Variants in RBFOX3 observed in about 807,000 individuals in gnomAD.
The protein encoded by RBFOX3 is RNA binding protein fox-1 homolog 3.
A neutral mutation model predicts 48.7 loss-of-function variants in RBFOX3; 17 were observed. That is an observed-to-expected ratio of 0.35 (90% confidence interval 0.24 to 0.52). The LOEUF (loss-of-function observed/expected upper bound fraction) is 0.52, where lower values mean the gene tolerates loss of function less well. Ranked by LOEUF, RBFOX3 falls within the 20% of genes least tolerant of loss-of-function variation. The probability of loss-of-function intolerance (pLI) is 0.94; values close to 1 mark genes in which losing one functional copy is unlikely to be tolerated. For synonymous variants in RBFOX3, 212 were observed against 209.5 expected (o/e 1.01, Z -0.10); for missense variants, 382 against 497.5 (o/e 0.77, Z 2.21).
chr17:79,610,191 C>A (rs1457950699), intron 1 of RBFOX3, among the ~76,000 whole-genome samples: 2 of 152,152 alleles, frequency 1.3e-5, no homozygotes, highest in South Asian at 2.1e-4. Context: ...GCTGTGGCAG[C>A]CCCTTCCTCC....
At chr17:79,112,513 G>A (rs1219263684) in intron 5 of RBFOX3, among the ~76,000 whole-genome samples, 1 of 152,144 alleles carries the variant, frequency 6.6e-6, no homozygotes, top group African/African-American at 2.4e-5. Flanking sequence ...TGAGGATCCT[G>A]GGGTGGAGGA....
intron 2 of RBFOX3, among the ~76,000 whole-genome samples, chr17:79,324,546 G>A (rs1364401568): frequency 6.6e-6 from 1 of 152,216 alleles, no homozygotes; most frequent in Non-Finnish European, 1.5e-5. Context: ...TAGCCCCTCT[G>A]GTGGGCAGAC....
At chr17:79,153,863 A>G (rs2045151640) in intron 4 of RBFOX3, among the ~76,000 whole-genome samples, 1 of 151,960 alleles carries the variant, frequency 6.6e-6, no homozygotes, top group African/African-American at 2.4e-5. Flanking sequence ...CACAGGCCTG[A>G]GCCCCGGCTG....
At chr17:79,183,899 C>G (rs2052796874) in intron 4 of RBFOX3, among the ~76,000 whole-genome samples, 1 of 149,764 alleles carries the variant, frequency 6.7e-6, no homozygotes, top group African/African-American at 2.6e-5. Context: ...CGGGCCCCTG[C>G]GCGCCCCTCC....
rs1293720096 is a variant in RBFOX3 at position 79,299,889 on chromosome 17, A to G, written c.-74+7835T>C. Among the ~76,000 whole-genome samples, 1 of 151,924 alleles carries G rather than the reference A, an allele frequency of 6.6e-6. No individual in the cohort carries two copies. Among genetic ancestry groups the G allele is most frequent in the Non-Finnish European group, 1.5e-5 (1 of 67,980 alleles). ...TCTCAGTACCCCACACAGGCCTCCA[A>G]AGGAATCTGCCGACACTCTTTTTTT... On this transcript the variant is annotated intron_variant, in intron 3 of 14. Coordinates refer to ENST00000693108, the MANE Select transcript of RBFOX3 (RefSeq NM_001350451.2). This position sits in a 1 kb window ranked among gnomAD's most constrained non-coding sequence, Gnocchi z 4.5.
intron 4 of RBFOX3, among the ~76,000 whole-genome samples, chr17:79,124,547 G>A (rs576680613): frequency 1.3e-5 from 2 of 152,246 alleles, no homozygotes; most frequent in Non-Finnish European, 2.9e-5. Context: ...GGGCTGGAAG[G>A]TGGTGAGCTC....
chr17:79,104,051 G>T (rs1208767263), intron 7 of RBFOX3, 22 bp downstream of exon 7: 1 of 1,547,598 alleles, frequency 6.5e-7, no homozygotes, highest in South Asian at 1.2e-5. Flanking sequence ...GCTGTAAGGC[G>T]GCAGCTCCGT....
At chr17:79,092,839 C>A (rs2074234806) in intron 14 of RBFOX3, among the ~76,000 whole-genome samples, 1 of 152,188 alleles carries the variant, frequency 6.6e-6, no homozygotes, top group African/African-American at 2.4e-5. Flanking sequence ...ACATAGTGGT[C>A]TTGGGCCAGT....
At position 79,471,254 on chromosome 17, in the gene RBFOX3, G is replaced by T. The variant is rs2077023679; in HGVS notation, c.-175+11200C>A. On this transcript the variant is annotated intron_variant, in intron 2 of 14. Coordinates refer to ENST00000693108, the MANE Select transcript of RBFOX3 (RefSeq NM_001350451.2). This position sits in a 1 kb window ranked among gnomAD's most constrained non-coding sequence, Gnocchi z 4.0. ...CATCGTGGCTCTCAGCTCATGGAAA[G>T]CGGGGTACGTGACCAGCACTGGCCA... Among the ~76,000 whole-genome samples the T allele has an allele frequency of 6.6e-6, 1 of 152,198 alleles. No individual in the cohort carries two copies. The highest frequency in any genetic ancestry group is 1.5e-5 in the Non-Finnish European group (1 of 68,036).
chr17:79,584,932 C>T (rs2093196701), intron 1 of RBFOX3, among the ~76,000 whole-genome samples: 1 of 151,866 alleles, frequency 6.6e-6, no homozygotes, highest in African/African-American at 2.4e-5. Flanking sequence ...CACCCAGCTA[C>T]TTTTTTGTAT....
intron 3 of RBFOX3, among the ~76,000 whole-genome samples, chr17:79,294,645 G>A (rs2074016727): frequency 6.6e-6 from 1 of 152,172 alleles, no homozygotes; most frequent in African/African-American, 2.4e-5. Flanking sequence ...CGGAATGGGG[G>A]AAGGCAGGAG....
chr17:79,620,115 A>G, the RBFOX3 span, among the ~76,000 whole-genome samples: 2 of 134,192 alleles, frequency 1.5e-5, no homozygotes, highest in African/African-American at 7.5e-5. Flanking sequence ...ATGCACGCAT[A>G]TGCACACATA....
chr17:79,282,807 G>A (rs918202117), intron 3 of RBFOX3, among the ~76,000 whole-genome samples: 1 of 152,270 alleles, frequency 6.6e-6, no homozygotes, highest in Non-Finnish European at 1.5e-5. Context: ...GCCGCAGGCT[G>A]GGCCAGTTCC....
intron 2 of RBFOX3, among the ~76,000 whole-genome samples, chr17:79,401,893 T>C (rs946942300): frequency 1.3e-5 from 2 of 152,202 alleles, no homozygotes; most frequent in Non-Finnish European, 2.9e-5. Flanking sequence ...TCCTGAGCTG[T>C]GAGAGCATAA....
At chr17:79,429,208 C>T (rs1348099835) in intron 2 of RBFOX3, among the ~76,000 whole-genome samples, 5 of 152,262 alleles carry the variant, frequency 3.3e-5, no homozygotes, top group African/African-American at 1.2e-4. Flanking sequence ...CAGCACAGAG[C>T]TGGGCGAGAC....
At chr17:79,633,117 C>A in the RBFOX3 span, among the ~76,000 whole-genome samples, 2 of 152,230 alleles carry the variant, frequency 1.3e-5, no homozygotes, top group African/African-American at 4.8e-5. Context: ...ATGTTGGCAA[C>A]GCCCCACAGT....
chr17:79,492,002 G>T (rs2080750743), intron 1 of RBFOX3, among the ~76,000 whole-genome samples: 1 of 152,182 alleles, frequency 6.6e-6, no homozygotes, highest in Admixed American at 6.5e-5. Context: ...CATGAACCTG[G>T]GAGGTGGAAA....
At chr17:79,330,679 G>A (rs1017792085) in intron 2 of RBFOX3, among the ~76,000 whole-genome samples, 5 of 152,058 alleles carry the variant, frequency 3.3e-5, no homozygotes, top group African/African-American at 4.8e-5. Context: ...CCAGCCCCAC[G>A]GCCACCATGT....
chr17:79,286,331 T>C (rs1190485090), intron 3 of RBFOX3, among the ~76,000 whole-genome samples: 1 of 152,144 alleles, frequency 6.6e-6, no homozygotes, highest in African/African-American at 2.4e-5. Context: ...GTGAGGCCAC[T>C]TTCTCCACGC....
Sources: allele counts gnomAD v4.1 joint callset (sites outside exome capture counted in the v4.1 genomes callset), GRCh38; gene constraint gnomAD v4.1.1; non-coding constraint Gnocchi (gnomAD v3.1); transcripts MANE v1.5; gene names NCBI Gene and HGNC (gene_info 2026-07-23, HGNC 2026-07-21).